The following PIK3CB variants were observed in gnomAD, a reference collection of about 807,000 sequenced individuals.
PIK3CB encodes phosphatidylinositol-4,5-bisphosphate 3-kinase catalytic subunit beta.
PIK3CB carries 39 observed loss-of-function variants against 136.8 expected under a neutral mutation model. The ratio of observed to expected loss-of-function variants is 0.29; its 90% CI spans 0.22 to 0.37. The LOEUF (loss-of-function observed/expected upper bound fraction) is 0.37, where lower values mean the gene tolerates loss of function less well. Ranked by LOEUF, PIK3CB falls within the 10% of genes least tolerant of loss-of-function variation. The probability of loss-of-function intolerance (pLI) is 1.00; values close to 1 mark genes in which losing one functional copy is unlikely to be tolerated. For missense variants in PIK3CB, 868 were observed against 1,275.4 expected, an observed-to-expected ratio of 0.68 and a Z score of 4.87; for synonymous variants, 428 against 436.6, an observed-to-expected ratio of 0.98 and a Z score of 0.25.
Position 138,684,664 on chromosome 3 carries a change from T to C in PIK3CB, c.2276A>G (p.Gln759Arg). 1 of 1,614,038 alleles carries C rather than the reference T, an allele frequency of 6.2e-7. No homozygotes were observed. The highest frequency in any genetic ancestry group is 8.5e-7 in the Non-Finnish European group (1 of 1,179,932). Residue 759 changes from glutamine to arginine, a missense_variant, in exon 17 of 24, where the codon CAG becomes CGG. Physicochemically the swap from Gln to Arg is conservative, Grantham distance 43. Coordinates refer to ENST00000674063, the MANE Select transcript of PIK3CB (RefSeq NM_006219.3). ...GATAACACATGGGTTCAGGGGTGAC[T>C]GCAGGTCAGAGAGGGCTTCCCGGTA... ...SAYREALSDLQSPLNPCVILS... is the reference protein window; with the variant it reads ...SAYREALSDLRSPLNPCVILS...
chr3:138,685,006 A>AT, intron 16 of PIK3CB: 1 of 469,488 alleles, frequency 2.1e-6, no homozygotes, highest in East Asian at 3.6e-5. Flanking sequence ...TTATAGCATC[A>AT]TTTTCAAACT....
rs1553743727 is a variant in PIK3CB at position 138,815,368 on chromosome 3, A to AAACAAAAAC, written c.-121-18802_-121-18801insGTTTTTGTT. On this transcript the variant is annotated intron_variant, in intron 1 of 23. Transcript: ENST00000674063. Reference sequence around the variant, plus strand: ...CCACATCCTGTCTCAAAAAAAAAAAAAAAAAAACTAGTCAAAACCATAACA... The same window carrying AAACAAAAAC: ...CCACATCCTGTCTCAAAAAAAAAAAAAACAAAAACAAAAAAACTAGTCAAAACCATAACA... 1.1e-3 allele frequency among the ~76,000 whole-genome samples: 116 copies of AAACAAAAAC among 105,958 alleles called. 8 individuals are homozygous for AAACAAAAAC. The highest frequency in any genetic ancestry group is 1.9e-3 in the Non-Finnish European group (99 of 51,382). The allele number at this position is 105,958 out of a possible 152,430, so 69.5% of individuals were successfully genotyped here. A position where few individuals can be genotyped will look rare whatever the true frequency, so the allele number is the denominator to read the frequency against.
chr3:138,774,145 T>C (rs576970634), intron 2 of PIK3CB, among the ~76,000 whole-genome samples: 1 of 152,356 alleles, frequency 6.6e-6, no homozygotes, highest in Non-Finnish European at 1.5e-5. Flanking sequence ...CATGTAATTG[T>C]ACAGTTCAAT....
intron 2 of PIK3CB, among the ~76,000 whole-genome samples, chr3:138,787,073 G>A (rs919456281): frequency 5.3e-5 from 8 of 152,198 alleles, no homozygotes; most frequent in South Asian, 2.1e-4. Context: ...TTCTAACTGC[G>A]TAAACATCCA....
chr3:138,707,114 A>C (rs1300960075), intron 11 of PIK3CB, 45 bp downstream of exon 11: 2 of 1,117,996 alleles, frequency 1.8e-6, no homozygotes, highest in Non-Finnish European at 2.7e-6. Context: ...GGAACTGATC[A>C]TTCAATCATT....
chr3:138,722,085 A>G (rs2108606892), intron 8 of PIK3CB, among the ~76,000 whole-genome samples: 1 of 151,210 alleles, frequency 6.6e-6, no homozygotes, highest in East Asian at 1.9e-4. Context: ...ATCACACAGG[A>G]TCTAATATTA....
chr3:138,691,221 T>A, intron 14 of PIK3CB, 78 bp from the exon 15 acceptor site: 1 of 1,332,140 alleles, frequency 7.5e-7, no homozygotes, highest in Non-Finnish European at 1.1e-6. Flanking sequence ...AACTATCAAA[T>A]GTGAACTTGT....
intron 14 of PIK3CB, among the ~76,000 whole-genome samples, chr3:138,692,349 C>T (rs1238752015): frequency 6.6e-6 from 1 of 152,196 alleles, no homozygotes; most frequent in African/African-American, 2.4e-5. Flanking sequence ...GAATTAGCTA[C>T]ACGGAATACA....
intron 1 of PIK3CB, among the ~76,000 whole-genome samples, chr3:138,823,384 T>C (rs2108907648): frequency 6.6e-6 from 1 of 151,408 alleles, no homozygotes; most frequent in East Asian, 1.9e-4. Context: ...ACTTGTCAGA[T>C]GTAGTAGTAG....
At chr3:138,740,439 T>C (rs184601174) in intron 5 of PIK3CB, among the ~76,000 whole-genome samples, 13 of 152,260 alleles carry the variant, frequency 8.5e-5, no homozygotes, top group Admixed American at 2.0e-4. Flanking sequence ...ACCCAGTCTA[T>C]GGTATTCTGT....
chr3:138,751,842 A>G (rs558648340), intron 4 of PIK3CB, among the ~76,000 whole-genome samples: 24 of 151,944 alleles, frequency 1.6e-4, no homozygotes, highest in Admixed American at 6.6e-4. Flanking sequence ...GTAGTCATGC[A>G]ATCCTGTAAT....
chr3:138,705,184 A>AAAAAAAAAAAAAAAAAAAAAAT (rs2044347991), intron 11 of PIK3CB, among the ~76,000 whole-genome samples: 1 of 85,138 alleles, frequency 1.2e-5, no homozygotes, highest in African/African-American at 6.2e-5. Context: ...CAAAAAACAA[A>AAAAAAAAAAAAAAAAAAAAAAT]ACAAACAAAA....
intron 2 of PIK3CB, among the ~76,000 whole-genome samples, chr3:138,785,003 G>T (rs373458571): frequency 4.6e-5 from 7 of 151,392 alleles, no homozygotes; most frequent in Admixed American, 3.3e-4. Context: ...CCCGGCAGCC[G>T]CCCCGTCTGG....
Position 138,775,250 on chromosome 3 carries a change from G to A in PIK3CB, c.-16-15891C>T, listed in dbSNP as rs150677582. Among the ~76,000 whole-genome samples, 44 of 152,300 alleles carry A rather than the reference G, an allele frequency of 2.9e-4. 1 individual carries two copies. The highest frequency in any genetic ancestry group is 9.4e-4 in the African/African-American group (39 of 41,560). ...GCTAGGCCTTGATCAAAAAGAGGAA[G>A]AGAAGAAAACTGCAGAGGGACAAAG... is the stretch of plus-strand genomic sequence containing the variant. On this transcript the variant is annotated intron_variant, in intron 2 of 23. Coordinates refer to ENST00000674063, the MANE Select transcript of PIK3CB (RefSeq NM_006219.3).
At chr3:138,757,019 C>A (rs2045580635) in intron 3 of PIK3CB, among the ~76,000 whole-genome samples, 1 of 152,052 alleles carries the variant, frequency 6.6e-6, no homozygotes, top group Non-Finnish European at 1.5e-5. Flanking sequence ...CAGTACAGGT[C>A]TAGAAAAGAT....
chr3:138,687,586 C>T (rs529259329), intron 16 of PIK3CB, among the ~76,000 whole-genome samples: 4 of 152,238 alleles, frequency 2.6e-5, no homozygotes, highest in African/African-American at 7.2e-5. Flanking sequence ...CCTCCCACCT[C>T]GGCCTCTCAA....
intron 2 of PIK3CB, among the ~76,000 whole-genome samples, chr3:138,768,022 G>C (rs572697858): frequency 6.6e-6 from 1 of 152,230 alleles, no homozygotes; most frequent in Non-Finnish European, 1.5e-5. Flanking sequence ...GCAGCCAAGC[G>C]GAGGGTGAGC....
rs534880421 is a variant in PIK3CB at position 138,701,580 on chromosome 3, A to G, written c.1582-2485T>C. Among the ~76,000 whole-genome samples, 21 of 152,110 alleles carry G rather than the reference A, an allele frequency of 1.4e-4. No individual in the cohort carries two copies. In the South Asian group the frequency reaches 4.2e-3, roughly 30 times the overall value. Reference sequence around the variant, plus strand: ...GACGGGCAGATCACGGGGTCAAGAGATCGAGACCATCCTGGCCAACATGGT... The same window carrying G: ...GACGGGCAGATCACGGGGTCAAGAGGTCGAGACCATCCTGGCCAACATGGT... On this transcript the variant is annotated intron_variant, in intron 12 of 23. Coordinates refer to ENST00000674063, the MANE Select transcript of PIK3CB (RefSeq NM_006219.3).
At chr3:138,818,946 T>C (rs1933447919) in intron 1 of PIK3CB, among the ~76,000 whole-genome samples, 1 of 152,192 alleles carries the variant, frequency 6.6e-6, no homozygotes, top group African/African-American at 2.4e-5. Context: ...CTGGTACGAC[T>C]ACATTATAAG....
Sources: gnomAD v4.1 joint callset for allele counts (sites outside exome capture counted in the v4.1 genomes callset) on GRCh38, gnomAD v4.1.1 for gene constraint, MANE v1.5 for transcripts, NCBI Gene and HGNC (gene_info 2026-07-23, HGNC 2026-07-21) for gene names.